The following AFAP1L2 variants were observed in gnomAD, a reference collection of about 807,000 sequenced individuals.
AFAP1L2 encodes actin filament-associated protein 1-like 2.
Under a neutral mutation model 99.3 loss-of-function variants are expected in AFAP1L2, and 46 were observed. The observed-to-expected ratio is 0.46, with a 90% confidence interval of 0.37 to 0.59. The LOEUF (loss-of-function observed/expected upper bound fraction) is 0.59. Among genes scored for constraint, AFAP1L2 ranks in the 20% least tolerant of loss-of-function variants. The pLI, the probability that AFAP1L2 is intolerant of heterozygous loss-of-function variation, is 0.00. For synonymous variants in AFAP1L2, 397 were observed against 419.1 expected (o/e 0.95, Z 0.64); for missense variants, 959 against 1,034.9 (o/e 0.93, Z 1.01).
the AFAP1L2 span, among the ~76,000 whole-genome samples, chr10:114,282,243 A>C: frequency 1.5e-3 from 233 of 152,062 alleles, no homozygotes; most frequent in Non-Finnish European, 2.8e-3. Context: ...ACCTCAAGTG[A>C]TTTGCCTACC....
At chr10:114,326,098 T>C in intron 4 of AFAP1L2, 1 of 1,242,142 alleles carries the variant, frequency 8.1e-7, no homozygotes, top group South Asian at 1.3e-5. Flanking sequence ...TCCCCATGGG[T>C]CATCATCACC....
At chr10:114,318,748 G>GAAAAAAAGAAA (rs71473039) in intron 5 of AFAP1L2, among the ~76,000 whole-genome samples, 40 of 118,914 alleles carry the variant, frequency 3.4e-4, no homozygotes, top group East Asian at 7.4e-4. Context: ...CTAAAAAAAA[G>GAAAAAAAGAAA]AAAAAAAAAA....
intron 1 of AFAP1L2, among the ~76,000 whole-genome samples, chr10:114,348,221 A>T (rs1415142917): frequency 6.6e-6 from 1 of 152,186 alleles, no homozygotes; most frequent in Non-Finnish European, 1.5e-5. Context: ...GCTTTTTTAA[A>T]CAAAAAACTT....
At chr10:114,301,966 CAG>C (rs1371073864) in intron 12 of AFAP1L2, 8 of 267,274 alleles carry the variant, frequency 3.0e-5, no homozygotes, top group Non-Finnish European at 5.8e-5. Context: ...CATCTGGAAA[CAG>C]AAGCACCACC....
chr10:114,307,157 G>C (rs1196100981), intron 10 of AFAP1L2, among the ~76,000 whole-genome samples: 1 of 152,100 alleles, frequency 6.6e-6, no homozygotes, highest in Non-Finnish European at 1.5e-5. Flanking sequence ...TAAGGCTGTA[G>C]AGATGACCTC....
At chr10:114,334,477 G>A (rs2047649053) in intron 2 of AFAP1L2, among the ~76,000 whole-genome samples, 1 of 152,214 alleles carries the variant, frequency 6.6e-6, no homozygotes, top group Non-Finnish European at 1.5e-5. Flanking sequence ...GCAGTTCAGT[G>A]TCACTCTGTT....
At chr10:114,313,399 C>G (rs960402536) in intron 7 of AFAP1L2, among the ~76,000 whole-genome samples, 3 of 151,904 alleles carry the variant, frequency 2.0e-5, no homozygotes, top group East Asian at 3.9e-4. Flanking sequence ...AGACGGGCCT[C>G]GGTCTGAGAA....
In AFAP1L2 at chr10:114,355,687, C is replaced by T. The variant is rs185145625; in HGVS notation, c.17-14956G>A. Among the ~76,000 whole-genome samples the T allele has an allele frequency of 1.7e-4, 26 of 152,216 alleles. 1 individual carries two copies. Among genetic ancestry groups the T allele is most frequent in the South Asian group, 1.0e-3 (5 of 4,822 alleles). The stretch of plus-strand genomic sequence containing the variant: ...ACATACTCTATCAAAAAATTTCTGT[C>T]GGGTCCGGGCACAGTGGCTCATACC... On this transcript the variant is annotated intron_variant, in intron 1 of 18. Coordinates refer to ENST00000304129, the MANE Select transcript of AFAP1L2 (RefSeq NM_001001936.3).
At chr10:114,323,067 C>T (rs2045629953) in intron 5 of AFAP1L2, 104 bp downstream of exon 5, 3 of 1,071,458 alleles carry the variant, frequency 2.8e-6, no homozygotes, top group Admixed American at 2.4e-5. Context: ...CCCTCTGTCA[C>T]CCAGCCCAGG....
chr10:114,347,027 C>T (rs1446577080), intron 1 of AFAP1L2, among the ~76,000 whole-genome samples: 4 of 152,238 alleles, frequency 2.6e-5, no homozygotes, highest in Non-Finnish European at 5.9e-5. Context: ...ATTTATTCAG[C>T]TGCATTTGCT....
Position 114,295,088 on chromosome 10 carries a change from A to G in AFAP1L2, c.*954T>C. ...CACAAGGAACAGCACTGCCAATTTT[A>G]AGAGGGCGATCACCCTAACCAAAAA... On this transcript the variant is annotated 3_prime_UTR_variant, in exon 19 of 19. Transcript: ENST00000304129. 1 of 985,456 alleles carries G rather than the reference A, an allele frequency of 1.0e-6. No homozygotes were observed. Among genetic ancestry groups the G allele is most frequent in the South Asian group, 4.7e-5 (1 of 21,272 alleles). The allele number at this position is 985,456 out of a possible 1,614,324, so 61.0% of individuals were successfully genotyped here.
chr10:114,290,130 G>A (rs1287275516), downstream of AFAP1L2: 1 of 1,426,502 alleles, frequency 7.0e-7, no homozygotes, highest in Admixed American at 2.2e-5. Context: ...GGGGCAAAGG[G>A]AGACATGACT....
intron 1 of AFAP1L2, among the ~76,000 whole-genome samples, chr10:114,379,871 C>T (rs2055367003): frequency 6.6e-6 from 1 of 152,154 alleles, no homozygotes; most frequent in South Asian, 2.1e-4. Flanking sequence ...TGGAAATTGG[C>T]CAAGGTCAAA....
rs1330460245 is a variant in AFAP1L2 at position 114,297,389 on chromosome 10, T to G, written c.2138A>C (p.Glu713Ala). The change falls in exon 17 of 19, where the codon GAG (glutamate) becomes GCG (alanine). Residue 713 changes from glutamate (E) to alanine (A), a missense_variant. Physicochemically the swap from Glu to Ala is moderately radical, Grantham distance 107. Transcript: ENST00000304129. ...CTDKEVLASL[E>A]QKLKEIDEEC... Reference sequence around the variant, plus strand: ...CTCGTCAATTTCCTTCAGCTTCTGCTCCAGGCTCGCCAGGACTTCCTTGTC... The same window carrying G: ...CTCGTCAATTTCCTTCAGCTTCTGCGCCAGGCTCGCCAGGACTTCCTTGTC... 1 of 1,613,132 alleles carries G rather than the reference T, an allele frequency of 6.2e-7. No individual in the cohort carries two copies. The highest frequency in any genetic ancestry group is 1.1e-5 in the South Asian group (1 of 91,010).
intron 4 of AFAP1L2, among the ~76,000 whole-genome samples, chr10:114,325,127 A>G (rs1404816661): frequency 6.6e-6 from 1 of 152,210 alleles, no homozygotes. Context: ...AGGACCTCAT[A>G]GATTTAACCT....
rs377741617 is a variant in AFAP1L2 at position 114,296,025 on chromosome 10, T to C, written c.*17A>G. ...AGGTCCACATTGACATGAGAGTCTT[T>C]AGATGAAGCTTGTTTTCTAACTTGC... On this transcript the variant is annotated 3_prime_UTR_variant, in exon 19 of 19. Coordinates refer to ENST00000304129, the MANE Select transcript of AFAP1L2 (RefSeq NM_001001936.3). 6.2e-7 allele frequency: 1 copy of C among 1,614,068 alleles called. No individual in the cohort carries two copies. Among genetic ancestry groups the C allele is most frequent in the African/African-American group, 1.3e-5 (1 of 74,944 alleles).
At chr10:114,404,574 T>C, upstream of AFAP1L2, 1 of 1,337,028 alleles carries the variant, frequency 7.5e-7, no homozygotes, top group Non-Finnish European at 9.5e-7. Context: ...CGGCCGGACC[T>C]CCTGGCGGGG....
At chr10:114,282,302 C>A in the AFAP1L2 span, among the ~76,000 whole-genome samples, 2 of 152,250 alleles carry the variant, frequency 1.3e-5, no homozygotes, top group South Asian at 2.1e-4. Flanking sequence ...CCACTCCCAG[C>A]CTATTTTTTT....
intron 1 of AFAP1L2, among the ~76,000 whole-genome samples, chr10:114,371,477 C>T (rs118076723): frequency 0.026 from 3,936 of 152,192 alleles, 74 homozygotes; most frequent in Non-Finnish European, 0.038. Context: ...GATGATTTAC[C>T]AAGCTCAGAA....
Sources: gnomAD v4.1 joint callset for allele counts (sites outside exome capture counted in the v4.1 genomes callset) on GRCh38, gnomAD v4.1.1 for gene constraint, MANE v1.5 for transcripts, NCBI Gene and HGNC (gene_info 2026-07-23, HGNC 2026-07-21) for gene names.